ADPGK: variants seen among roughly 807,000 people sequenced by gnomAD.
The protein encoded by ADPGK is ADP-dependent glucokinase.
A neutral mutation model predicts 42.4 loss-of-function variants in ADPGK; 26 were observed. The observed-to-expected ratio is 0.61, with a 90% CI of 0.45 to 0.85. The LOEUF (loss-of-function observed/expected upper bound fraction) is 0.85. Among genes scored for constraint, ADPGK ranks in the 40% least tolerant of loss-of-function variants. ADPGK has a pLI of 0.00. For synonymous variants in ADPGK, 267 were observed against 252.6 expected, an observed-to-expected ratio of 1.06 and a Z score of -0.54; for missense variants, 571 against 627.0, an observed-to-expected ratio of 0.91 and a Z score of 0.95.
chr15:72,761,748 G>T (rs2066196432), intron 3 of ADPGK, among the ~76,000 whole-genome samples: 1 of 151,582 alleles, frequency 6.6e-6, no homozygotes, highest in Non-Finnish European at 1.5e-5. Flanking sequence ...GCCCAGGCTG[G>T]AGTGCAGTGG....
At chr15:72,763,010 C>T (rs2066213666) in intron 3 of ADPGK, among the ~76,000 whole-genome samples, 1 of 152,158 alleles carries the variant, frequency 6.6e-6, no homozygotes, top group Middle Eastern at 3.4e-3. Flanking sequence ...TTAGTAAGCC[C>T]TACAAATGTC....
intron 3 of ADPGK, among the ~76,000 whole-genome samples, chr15:72,770,666 T>G (rs2066318064): frequency 6.6e-6 from 1 of 152,248 alleles, no homozygotes; most frequent in South Asian, 2.1e-4. Context: ...AAGTCTTTAT[T>G]TTCTTTTTAT....
chr15:72,756,425 T>A lies in ADPGK; in HGVS notation c.666A>T (p.Lys222Asn). The change falls in exon 5 of 7, where the codon AAA (lysine) becomes AAT (asparagine). Residue 222 changes from lysine (K) to asparagine (N), a missense_variant. By Grantham distance (94) the Lys-to-Asn change is moderately conservative. Around this residue, in one of 2 missense-constraint regions of ADPGK, gnomAD observed 434 missense variants for 522.7 expected, o/e 0.83. Coordinates refer to ENST00000456471, the MANE Select transcript of ADPGK (RefSeq NM_001365225.1). ...YQAGEEWGQL[K>N]APHANRFIFS... ...AGATGAATCGGTTGGCATGGGGAGC[T>A]TTTAACTGGCCCCACTCCTCCCCTG... 1 of 1,614,076 alleles carries A rather than the reference T, an allele frequency of 6.2e-7. No homozygotes were observed. Among genetic ancestry groups the A allele is most frequent in the Non-Finnish European group, 8.5e-7 (1 of 1,180,008 alleles).
chr15:72,752,244 C>G lies in ADPGK; in HGVS notation c.*97G>C. The stretch of plus-strand genomic sequence containing the variant: ...AATGTACCTGATACAGTTTAATCTG[C>G]TTTTATTTCTTTGGCTGTCTTCCAA... On this transcript the variant is annotated 3_prime_UTR_variant, in exon 7 of 7. Coordinates refer to ENST00000456471, the MANE Select transcript of ADPGK (RefSeq NM_001365225.1). The G allele has an allele frequency of 8.1e-7, 1 of 1,227,948 alleles. No individual in the cohort carries two copies. The highest frequency in any genetic ancestry group is 1.5e-5 in the African/African-American group (1 of 65,630). The allele number at this position is 1,227,948 out of a possible 1,614,324, so 76.1% of individuals were successfully genotyped here.
chr15:72,763,504 A>G (rs2066221689), intron 3 of ADPGK, among the ~76,000 whole-genome samples: 1 of 152,158 alleles, frequency 6.6e-6, no homozygotes, highest in Admixed American at 6.5e-5. Flanking sequence ...GGATCTAAAC[A>G]AAGAAATGAA....
intron 4 of ADPGK, 170 bp downstream of exon 4, chr15:72,760,237 A>C: frequency 1.3e-6 from 1 of 765,980 alleles, no homozygotes; most frequent in Non-Finnish European, 1.9e-6. Flanking sequence ...CTCCCTTGAG[A>C]CAACGGCCAG....
At chr15:72,753,888 T>A (rs2066078258) in intron 6 of ADPGK, among the ~76,000 whole-genome samples, 1 of 151,852 alleles carries the variant, frequency 6.6e-6, no homozygotes, top group South Asian at 2.1e-4. Context: ...ACACCAAGAG[T>A]GAACCCAAGT....
At chr15:72,759,168 C>T (rs1214546340) in intron 4 of ADPGK, among the ~76,000 whole-genome samples, 7 of 152,298 alleles carry the variant, frequency 4.6e-5, no homozygotes, top group African/African-American at 1.7e-4. Flanking sequence ...GAACTCCTGA[C>T]CTTGTGATCC....
intron 4 of ADPGK, chr15:72,758,172 C>A: frequency 6.4e-7 from 1 of 1,570,016 alleles, no homozygotes. Flanking sequence ...GACACAAACA[C>A]CTCCAGCATA....
intron 1 of ADPGK, among the ~76,000 whole-genome samples, chr15:72,781,520 G>A (rs181229126): frequency 6.6e-6 from 1 of 152,316 alleles, no homozygotes; most frequent in East Asian, 1.9e-4. Flanking sequence ...AGTCACTGTA[G>A]TAAAATATAT....
In ADPGK at chr15:72,752,134, A is replaced by G; in HGVS notation, c.*207T>C. The G allele has an allele frequency of 3.4e-6, 2 of 581,880 alleles. No individual in the cohort carries two copies. The highest frequency in any genetic ancestry group is 2.9e-5 in the East Asian group (1 of 34,312). 36.0% of individuals were successfully genotyped at this position (581,880 alleles called of 1,614,324 possible). On this transcript the variant is annotated 3_prime_UTR_variant, in exon 7 of 7. Transcript: ENST00000456471. The stretch of plus-strand genomic sequence containing the variant: ...AACTGAGTTTTTAGCTCTGTGACAC[A>G]CAACATAAAAAACAAAAATCCAGTC...
intron 1 of ADPGK, 102 bp downstream of exon 1, chr15:72,783,357 C>T (rs903954569): frequency 7.7e-7 from 1 of 1,295,086 alleles, no homozygotes; most frequent in Non-Finnish European, 9.8e-7. Context: ...CGGACAGCAG[C>T]GCCTCCCGGG....
At chr15:72,781,708 CT>C (rs2066460005) in intron 1 of ADPGK, among the ~76,000 whole-genome samples, 1 of 152,194 alleles carries the variant, frequency 6.6e-6, no homozygotes, top group African/African-American at 2.4e-5. Flanking sequence ...GGCATTAAGG[CT>C]TCTGCCTGGT....
At chr15:72,758,380 C>A in intron 4 of ADPGK, 1 of 566,412 alleles carries the variant, frequency 1.8e-6, no homozygotes, top group East Asian at 3.1e-5. Context: ...GATTCCCAGC[C>A]CAAGCCTGAC....
At chr15:72,756,202 A>C (rs1343335747) in intron 5 of ADPGK, 49 bp downstream of exon 5, 1 of 1,607,710 alleles carries the variant, frequency 6.2e-7, no homozygotes, top group African/African-American at 1.3e-5. Flanking sequence ...CTGGAACCTG[A>C]AGAAAACCAC....
At chr15:72,770,631 C>T (rs1278412879) in intron 3 of ADPGK, among the ~76,000 whole-genome samples, 1 of 152,154 alleles carries the variant, frequency 6.6e-6, no homozygotes, top group African/African-American at 2.4e-5. Flanking sequence ...GAGTTAATTA[C>T]AATTTATAAA....
Position 72,778,757 on chromosome 15 carries a change from T to C in ADPGK, c.234-3660A>G, listed in dbSNP as rs188218502. Among the ~76,000 whole-genome samples the C allele has an allele frequency of 1.4e-3, 206 of 152,268 alleles. 1 individual carries two copies. Among genetic ancestry groups the C allele is most frequent in the Non-Finnish European group, 4.0e-4 (27 of 68,016 alleles). On this transcript the variant is annotated intron_variant, in intron 1 of 6. Coordinates refer to ENST00000456471, the MANE Select transcript of ADPGK (RefSeq NM_001365225.1). The stretch of plus-strand genomic sequence containing the variant: ...TTTACATTATGTGCATCAGCTGTTA[T>C]AAGAGCTAATCGTAATTGTTAAGAC...
intron 1 of ADPGK, among the ~76,000 whole-genome samples, chr15:72,775,740 G>A (rs1249512877): frequency 6.6e-6 from 1 of 152,010 alleles, no homozygotes; most frequent in East Asian, 1.9e-4. Flanking sequence ...ACAGACTTAG[G>A]CACACCTGCA....
At position 72,755,536 on chromosome 15, in the gene ADPGK, C is replaced by T. The variant is rs1293574656; in HGVS notation, c.939+20G>A. 27 of 1,592,288 alleles carry T rather than the reference C, an allele frequency of 1.7e-5. No individual in the cohort carries two copies. The highest frequency in any genetic ancestry group is 1.7e-4 in the Middle Eastern group (1 of 5,988). On this transcript the variant is annotated intron_variant, in intron 6 of 6. Transcript: ENST00000456471. Reference sequence around the variant, plus strand: ...AGGCTCTATGAGGATCAGGGCCAAACGATGGTCCCATGAGGTTACCTGATG... The same window carrying T: ...AGGCTCTATGAGGATCAGGGCCAAATGATGGTCCCATGAGGTTACCTGATG...
Sources: gnomAD v4.1 joint callset for allele counts (sites outside exome capture counted in the v4.1 genomes callset) on GRCh38, gnomAD v4.1.1 for gene constraint, gnomAD v4.1.1 regional missense constraint, MANE v1.5 for transcripts, NCBI Gene and HGNC (gene_info 2026-07-23, HGNC 2026-07-21) for gene names.